The following GRM8 variants were observed in gnomAD, a reference collection of about 807,000 sequenced individuals.
The protein encoded by GRM8 is glutamate metabotropic receptor 8.
A neutral mutation model predicts 87.2 loss-of-function variants in GRM8; 47 were observed. The observed-to-expected ratio is 0.54, with a 90% CI of 0.43 to 0.69. GRM8 has a LOEUF of 0.69. Among genes scored for constraint, GRM8 ranks in the 30% least tolerant of loss-of-function variants. The pLI, the probability that GRM8 is intolerant of heterozygous loss-of-function variation, is 0.00. For synonymous variants in GRM8, 396 were observed against 404.5 expected (o/e 0.98, Z 0.25); for missense variants, 1,019 against 1,139.2 (o/e 0.89, Z 1.52).
At chr7:126,954,026 A>G (rs1808436756) in intron 3 of GRM8, among the ~76,000 whole-genome samples, 2 of 152,166 alleles carry the variant, frequency 1.3e-5, no homozygotes, top group African/African-American at 4.8e-5. Flanking sequence ...GAGATGCCAT[A>G]TGGAAAGAAT....
chr7:127,163,488 CT>C lies in GRM8; in HGVS notation c.511-56777del, dbSNP rs142783253. 2.6e-3 allele frequency among the ~76,000 whole-genome samples: 401 copies of C among 152,330 alleles called. 2 individuals are homozygous for C. The highest frequency in any genetic ancestry group is 8.6e-3 in the African/African-American group (356 of 41,580). ...AAGCCTAGGTGGTAGGGGGTTCCCC[CT>C]GTAACTAGGGCATGGGTGCTTCACC... On this transcript the variant is annotated intron_variant, in intron 2 of 10. Transcript: ENST00000339582.
intron 7 of GRM8, among the ~76,000 whole-genome samples, chr7:126,663,720 T>C (rs1805461924): frequency 4.6e-5 from 7 of 152,044 alleles, no homozygotes; most frequent in Admixed American, 3.9e-4. Context: ...CATCCCCACT[T>C]AGAACAGGAA....
chr7:126,943,677 C>A (rs777613202), intron 3 of GRM8, among the ~76,000 whole-genome samples: 2 of 152,200 alleles, frequency 1.3e-5, no homozygotes, highest in Non-Finnish European at 2.9e-5. Flanking sequence ...TCTTCCCTCT[C>A]TCTCATTGAC....
intron 3 of GRM8, among the ~76,000 whole-genome samples, chr7:127,031,447 T>C (rs1284524524): frequency 1.3e-5 from 2 of 152,098 alleles, no homozygotes; most frequent in African/African-American, 2.4e-5. Flanking sequence ...GAGACCTCCA[T>C]CTGGATTGGC....
chr7:127,143,770 C>A (rs1828403604), intron 2 of GRM8, among the ~76,000 whole-genome samples: 1 of 152,122 alleles, frequency 6.6e-6, no homozygotes, highest in Non-Finnish European at 1.5e-5. Flanking sequence ...ACTTATTTTA[C>A]AGGCCTATGC....
chr7:127,226,218 T>C (rs1797311565), intron 2 of GRM8, among the ~76,000 whole-genome samples: 1 of 152,224 alleles, frequency 6.6e-6, no homozygotes, highest in Non-Finnish European at 1.5e-5. Flanking sequence ...CCTCTCATGT[T>C]CTTTCTGCCT....
chr7:126,619,528 A>C (rs1799890528), intron 7 of GRM8, among the ~76,000 whole-genome samples: 1 of 148,724 alleles, frequency 6.7e-6, no homozygotes, highest in South Asian at 2.2e-4. Context: ...AAAAAGGAAA[A>C]AAAAGAAATG....
intron 2 of GRM8, among the ~76,000 whole-genome samples, chr7:127,133,655 G>A (rs1197412718): frequency 7.1e-6 from 1 of 141,542 alleles, no homozygotes; most frequent in African/African-American, 2.6e-5. Flanking sequence ...GCAGTGAGCC[G>A]AGATCGCGCC....
intron 7 of GRM8, among the ~76,000 whole-genome samples, chr7:126,686,203 TGA>T (rs758779806): frequency 6.6e-6 from 1 of 152,086 alleles, no homozygotes; most frequent in Non-Finnish European, 1.5e-5. Flanking sequence ...AGCTGCCCAC[TGA>T]GAGTCTCTTC....
chr7:127,209,194 T>G (rs1212175925), intron 2 of GRM8, among the ~76,000 whole-genome samples: 2 of 152,102 alleles, frequency 1.3e-5, no homozygotes, highest in Non-Finnish European at 2.9e-5. Flanking sequence ...TAGTTTGCAC[T>G]CCGAAATTGC....
chr7:126,556,953 T>C (rs996524018), intron 8 of GRM8, among the ~76,000 whole-genome samples: 2 of 152,136 alleles, frequency 1.3e-5, no homozygotes, highest in Non-Finnish European at 2.9e-5. Context: ...GAAAGAAATA[T>C]GGATATACTA....
intron 6 of GRM8, among the ~76,000 whole-genome samples, chr7:126,785,248 G>A (rs1318523807): frequency 6.6e-6 from 1 of 152,144 alleles, no homozygotes; most frequent in African/African-American, 2.4e-5. Flanking sequence ...TTAGGAACAA[G>A]ACAGACTCGG....
In GRM8 at chr7:126,715,617, T is replaced by C. The variant is rs541521530; in HGVS notation, c.1357+54248A>G. 3.3e-5 allele frequency among the ~76,000 whole-genome samples: 5 copies of C among 152,298 alleles called. No homozygotes were observed. In the East Asian group the frequency reaches 9.6e-4, roughly 29 times the overall value. ...TTTATCTGTGAATTATCTCAAATTG[T>C]CACAAATCTCCAAAAAAATTTCCAA... On this transcript the variant is annotated intron_variant, in intron 7 of 10. Coordinates refer to ENST00000339582, the MANE Select transcript of GRM8 (RefSeq NM_000845.3).
At chr7:126,652,241 A>G (rs1267799091) in intron 7 of GRM8, among the ~76,000 whole-genome samples, 2 of 152,162 alleles carry the variant, frequency 1.3e-5, no homozygotes, top group Non-Finnish European at 2.9e-5. Context: ...GGATTGGTGC[A>G]TTTCTGGTTG....
chr7:127,081,129 C>A (rs1822821046), intron 3 of GRM8, among the ~76,000 whole-genome samples: 1 of 152,118 alleles, frequency 6.6e-6, no homozygotes, highest in African/African-American at 2.4e-5. Context: ...GACACTTAAT[C>A]CCTAGAATAG....
intron 3 of GRM8, among the ~76,000 whole-genome samples, chr7:126,926,037 C>A (rs899858382): frequency 1.3e-5 from 2 of 151,992 alleles, no homozygotes; most frequent in African/African-American, 4.8e-5. Context: ...CCAATTTATA[C>A]TTTTATTAGA....
chr7:126,869,856 G>T (rs1798928622), intron 6 of GRM8: 1 of 141,640 alleles, frequency 7.1e-6, no homozygotes, highest in African/African-American at 2.6e-5. Context: ...AAAGTCACAA[G>T]CCGCATTAGC....
At chr7:126,873,144 T>C (rs928295129) in intron 6 of GRM8, among the ~76,000 whole-genome samples, 8 of 152,130 alleles carry the variant, frequency 5.3e-5, no homozygotes, top group Admixed American at 5.2e-4. Context: ...TCACCTTTGA[T>C]AACTTTCATT....
intron 3 of GRM8, among the ~76,000 whole-genome samples, chr7:126,944,054 G>A (rs948863112): frequency 1.3e-5 from 2 of 152,154 alleles, no homozygotes; most frequent in South Asian, 2.1e-4. Context: ...AGCAAATAAA[G>A]CTGAGGTCCT....
Sources: gnomAD v4.1 joint callset for allele counts (sites outside exome capture counted in the v4.1 genomes callset) on GRCh38, gnomAD v4.1.1 for gene constraint, MANE v1.5 for transcripts, NCBI Gene and HGNC (gene_info 2026-07-23, HGNC 2026-07-21) for gene names.